Variants in HMCN2 observed in about 807,000 individuals in gnomAD.
HMCN2 encodes hemicentin 2.
Under a neutral mutation model 377.5 loss-of-function variants are expected in HMCN2, and 325 were observed. That is an observed-to-expected ratio of 0.86 (90% CI 0.79 to 0.94). The LOEUF (loss-of-function observed/expected upper bound fraction) is 0.94. Among genes scored for constraint, HMCN2 ranks in the 40% least tolerant of loss-of-function variants. The pLI is 0.00. For synonymous variants in HMCN2, 2,007 were observed against 2,046.8 expected, an observed-to-expected ratio of 0.98 and a Z score of 0.53; for missense variants, 4,543 against 4,725.3, an observed-to-expected ratio of 0.96 and a Z score of 1.13.
rs527908830 is a variant in HMCN2 at position 130,362,956 on chromosome 9, C to T, written c.6198C>T (p.Gly2066=). Reference sequence around the variant, plus strand: ...CCTGCGTGGCTGTGAGCGCGGTGGGCGAGGACCGCCAGGATGTTGTCCTGC... The same window carrying T: ...CCTGCGTGGCTGTGAGCGCGGTGGGTGAGGACCGCCAGGATGTTGTCCTGC... ...RYSCVAVSAV[G]EDRQDVVLQV... Residue 2066 remains glycine, a synonymous_variant, in exon 40 of 98, where the codon GGC becomes GGT. Coordinates refer to ENST00000683500, the MANE Select transcript of HMCN2 (RefSeq NM_001291815.2). 33 of 985,844 alleles carry T rather than the reference C, an allele frequency of 3.3e-5. 1 individual carries two copies. The highest frequency in any genetic ancestry group is 5.2e-4 in the Middle Eastern group (1 of 1,914). 61.1% of individuals were successfully genotyped at this position (985,844 alleles called of 1,614,324 possible).
chr9:130,354,999 A>C lies in HMCN2; in HGVS notation c.5101A>C (p.Ser1701Arg), dbSNP rs1431142582. The C allele has an allele frequency of 7.7e-7, 1 of 1,295,752 alleles. No individual in the cohort carries two copies. The highest frequency in any genetic ancestry group is 5.6e-5 in the East Asian group (1 of 17,994). 80.3% of individuals were successfully genotyped at this position (1,295,752 alleles called of 1,614,324 possible). A position where few individuals can be genotyped will look rare whatever the true frequency, so the allele number is the denominator to read the frequency against. Residue 1701 changes from serine to arginine, a missense_variant, in exon 32 of 98, where the codon AGT becomes CGT. Ser to Arg is a moderately radical substitution (Grantham distance 110). This residue lies in a region of HMCN2 where 1,032 missense variants were observed against 1,285.1 expected (regional missense o/e 0.80). Transcript: ENST00000683500. ...SSGLYSCVAS[S>R]PAGEAVLQYS... is the part of the protein sequence containing the mutation. Reference sequence around the variant, plus strand: ...TGGCCTGTACAGCTGTGTGGCCAGCAGTCCTGCCGGGGAAGCCGTCCTGCA... The same window carrying C: ...TGGCCTGTACAGCTGTGTGGCCAGCCGTCCTGCCGGGGAAGCCGTCCTGCA...
rs1834346767 is a variant in HMCN2 at position 130,270,290 on chromosome 9, TG to T, written c.259+4154del. Among the ~76,000 whole-genome samples, 25 of 71,108 alleles carry T rather than the reference TG, an allele frequency of 3.5e-4. No individual in the cohort carries two copies. The South Asian group carries it at 6.7e-3, about 19-fold the overall frequency. The allele number at this position is 71,108 out of a possible 152,430, so 46.6% of individuals were successfully genotyped here. A position where few individuals can be genotyped will look rare whatever the true frequency, so the allele number is the denominator to read the frequency against. On this transcript the variant is annotated intron_variant, in intron 1 of 97. Coordinates refer to ENST00000683500, the MANE Select transcript of HMCN2 (RefSeq NM_001291815.2). ...TAAAGGTTTTTTTTGTTTGTTTGTT[TG>T]TTTGTTTTTTTTTTTCCCTATCACA... is the stretch of plus-strand genomic sequence containing the variant.
At chr9:130,429,899 G>A (rs939561867) in intron 94 of HMCN2, 21 of 928,540 alleles carry the variant, frequency 2.3e-5, no homozygotes, top group Non-Finnish European at 2.6e-5. Flanking sequence ...GTGCCTGCCT[G>A]TGCACCAAAA....
At chr9:130,281,712 G>A (rs1466872256) in intron 1 of HMCN2, among the ~76,000 whole-genome samples, 1 of 152,034 alleles carries the variant, frequency 6.6e-6, no homozygotes, top group Admixed American at 6.6e-5. Context: ...TGGCCAACAT[G>A]GCAAAACCCC....
At position 130,394,481 on chromosome 9, in the gene HMCN2, A is replaced by AGG; in HGVS notation, c.10599_10600insGG (p.Pro3534GlyfsTer13). 1 of 1,289,814 alleles carries AGG rather than the reference A, an allele frequency of 7.8e-7. No homozygotes were observed. The highest frequency in any genetic ancestry group is 1.0e-6 in the Non-Finnish European group (1 of 988,858). 79.9% of individuals were successfully genotyped at this position (1,289,814 alleles called of 1,614,324 possible). A position where few individuals can be genotyped will look rare whatever the true frequency, so the allele number is the denominator to read the frequency against. On this transcript the variant is annotated frameshift_variant, in exon 69 of 98. Coordinates refer to ENST00000683500, the MANE Select transcript of HMCN2 (RefSeq NM_001291815.2). LOFTEE classifies it high-confidence loss of function. The surrounding 1 kb of genome is among the most constrained non-coding windows in gnomAD (Gnocchi z 5.1). ...CTCTGTGATGCCCAGGGCACCCCCCAGCCCAACATCACCTGGCATAAGGAC... is the reference window on the plus strand; with the variant it reads ...CTCTGTGATGCCCAGGGCACCCCCCAGGGCCCAACATCACCTGGCATAAGGAC...
rs780560944 is a variant in HMCN2 at position 130,432,437 on chromosome 9, G to A, written c.14776G>A (p.Glu4926Lys). The change falls in exon 97 of 98, where the codon GAG (glutamate) becomes AAG (lysine). Residue 4926 changes from glutamate to lysine, a missense_variant. By Grantham distance (56) the Glu-to-Lys change is moderately conservative (BLOSUM62 1). Transcript: ENST00000683500. Reference protein sequence around the residue: ...PSGKNCQDINECEEESIECGP... With the variant: ...PSGKNCQDINKCEEESIECGP... ...CCAACTTCCCCATCCAGACATCAAC[G>A]AGTGCGAGGAGGAGAGCATCGAGTG... The A allele has an allele frequency of 3.2e-6, 5 of 1,550,732 alleles. No individual in the cohort carries two copies. The South Asian group carries it at 3.6e-5, about 11-fold the overall frequency.
At chr9:130,395,386 C>T in intron 71 of HMCN2, 39 bp downstream of exon 71, 1 of 1,260,004 alleles carries the variant, frequency 7.9e-7, no homozygotes. Context: ...TGCCTTCTGT[C>T]CCGCTCAGGC....
intron 85 of HMCN2, among the ~76,000 whole-genome samples, chr9:130,415,394 A>G (rs1222914493): frequency 6.6e-6 from 1 of 151,802 alleles, no homozygotes; most frequent in Non-Finnish European, 1.5e-5. Flanking sequence ...CTGGAGTGCA[A>G]TGGCACAATC....
At chr9:130,370,424 A>G (rs1366685406) in intron 45 of HMCN2, among the ~76,000 whole-genome samples, 1 of 148,552 alleles carries the variant, frequency 6.7e-6, no homozygotes, top group East Asian at 2.1e-4. Context: ...GTGGTAAGAG[A>G]TAGGGTGGGA....
In HMCN2 at chr9:130,356,272, G is replaced by A. The variant is rs1840022761; in HGVS notation, c.5425+15G>A. ...GTCTGTGCATGGTGAGTGGGCGCCT[G>A]GGGTTCTGGAGCTGTGGGCAGCCTG... On this transcript the variant is annotated intron_variant, in intron 34 of 97. Transcript: ENST00000683500. The A allele has an allele frequency of 6.2e-6, 8 of 1,285,266 alleles. No homozygotes were observed. Among genetic ancestry groups the A allele is most frequent in the Non-Finnish European group, 7.1e-6 (7 of 982,088 alleles). 79.6% of individuals were successfully genotyped at this position (1,285,266 alleles called of 1,614,324 possible). A position where few individuals can be genotyped will look rare whatever the true frequency, so the allele number is the denominator to read the frequency against.
intron 4 of HMCN2, among the ~76,000 whole-genome samples, chr9:130,287,551 TAAAAA>T (rs142931668): frequency 5.4e-5 from 5 of 93,306 alleles, no homozygotes; most frequent in African/African-American, 9.7e-5. Flanking sequence ...AACTCTGTCT[TAAAAA>T]AAAAAAAAAA....
At chr9:130,358,199 G>A (rs1304294147) in intron 35 of HMCN2, among the ~76,000 whole-genome samples, 191 bp from the exon 36 acceptor site, 1 of 152,222 alleles carries the variant, frequency 6.6e-6, no homozygotes, top group African/African-American at 2.4e-5. Flanking sequence ...GGGGGACAGG[G>A]AATGGTATGC....
chr9:130,351,816 TATG>T lies in HMCN2; in HGVS notation c.4585+240_4585+242del, dbSNP rs371375045. Reference sequence around the variant, plus strand: ...ATCCCAGCTCTAAAAATTTACTACTTATGTTTTTTTTTTGAGATGAATTCTCTC... The same window carrying T: ...ATCCCAGCTCTAAAAATTTACTACTTTTTTTTTTTTGAGATGAATTCTCTC... On this transcript the variant is annotated intron_variant, in intron 30 of 97. Transcript: ENST00000683500. The surrounding 1 kb of genome is among the most constrained non-coding windows in gnomAD (Gnocchi z 5.4). Among the ~76,000 whole-genome samples, 3 of 142,272 alleles carry T rather than the reference TATG, an allele frequency of 2.1e-5. No homozygotes were observed. Among genetic ancestry groups the T allele is most frequent in the Non-Finnish European group, 3.1e-5 (2 of 65,004 alleles). 93.3% of individuals were successfully genotyped at this position (142,272 alleles called of 152,430 possible). A position where few individuals can be genotyped will look rare whatever the true frequency, so the allele number is the denominator to read the frequency against.
chr9:130,372,876 G>A (rs1159583228), intron 47 of HMCN2, among the ~76,000 whole-genome samples, 162 bp from the exon 48 acceptor site: 1 of 152,046 alleles, frequency 6.6e-6, no homozygotes, highest in East Asian at 1.9e-4. Flanking sequence ...AGCAGGAAAT[G>A]TTTCTTAAAC....
At chr9:130,421,295 C>G (rs1273193057) in intron 86 of HMCN2, among the ~76,000 whole-genome samples, 1 of 152,166 alleles carries the variant, frequency 6.6e-6, no homozygotes, top group Non-Finnish European at 1.5e-5. Context: ...TTCCATTCCC[C>G]AAAGCCACAC....
chr9:130,293,279 G>GTTTTTTTTTTTT lies in HMCN2; in HGVS notation c.613-1566_613-1555dup, dbSNP rs71387339. ...TTCCAAATAAAATCTACTCACTAAA[G>GTTTTTTTTTTTT]TTTTTTTTTTTTTTTTTTTTTGCGG... On this transcript the variant is annotated intron_variant, in intron 4 of 97. Coordinates refer to ENST00000683500, the MANE Select transcript of HMCN2 (RefSeq NM_001291815.2). Among the ~76,000 whole-genome samples the GTTTTTTTTTTTT allele has an allele frequency of 8.8e-5, 5 of 57,124 alleles. 1 individual carries two copies. The Admixed American group carries it at 1.0e-3, about 12-fold the overall frequency. 37.5% of individuals were successfully genotyped at this position (57,124 alleles called of 152,430 possible).
rs1015133266 is a variant in HMCN2 at position 130,336,523 on chromosome 9, G to T, written c.3360-1371G>T. Among the ~76,000 whole-genome samples the T allele has an allele frequency of 2.8e-3, 420 of 152,274 alleles. 3 individuals are homozygous for T. The highest frequency in any genetic ancestry group is 4.5e-3 in the Non-Finnish European group (306 of 68,028). ...ATGAGATGGCTTAGGCACAGGAAGG[G>T]TGAGGTGACTTGCCCAACCTCACAC... On this transcript the variant is annotated intron_variant, in intron 22 of 97. Coordinates refer to ENST00000683500, the MANE Select transcript of HMCN2 (RefSeq NM_001291815.2).
At chr9:130,350,277 C>T (rs567325021) in intron 29 of HMCN2, among the ~76,000 whole-genome samples, 7 of 150,542 alleles carry the variant, frequency 4.6e-5, no homozygotes, top group Non-Finnish European at 7.4e-5. Flanking sequence ...TGGCTCACGC[C>T]TGTAATCCCA....
In HMCN2 at chr9:130,304,626, G is replaced by A. The variant is rs1466659140; in HGVS notation, c.1544-104G>A. 3 of 375,014 alleles carry A rather than the reference G, an allele frequency of 8.0e-6. No individual in the cohort carries two copies. The highest frequency in any genetic ancestry group is 1.6e-5 in the Non-Finnish European group (3 of 182,780). The allele number at this position is 375,014 out of a possible 1,614,324, so 23.2% of individuals were successfully genotyped here. A position where few individuals can be genotyped will look rare whatever the true frequency, so the allele number is the denominator to read the frequency against. On this transcript the variant is annotated intron_variant, in intron 10 of 97. Coordinates refer to ENST00000683500, the MANE Select transcript of HMCN2 (RefSeq NM_001291815.2). The surrounding 1 kb of genome is among the most constrained non-coding windows in gnomAD (Gnocchi z 4.3). ...ATGTCCTGAATGATCTGGTTCGGGT[G>A]GGCCTGCACCTCAGGGTGGGGTTCT...
Sources: allele counts gnomAD v4.1 joint callset (sites outside exome capture counted in the v4.1 genomes callset), GRCh38; gene constraint gnomAD v4.1.1; regional missense constraint gnomAD v4.1.1; non-coding constraint Gnocchi (gnomAD v3.1); transcripts MANE v1.5; gene names NCBI Gene and HGNC (gene_info 2026-07-23, HGNC 2026-07-21).